SNTG1: variants seen among roughly 807,000 people sequenced by gnomAD.
SNTG1 encodes syntrophin gamma 1, also known as gamma-1-syntrophin.
SNTG1 carries 39 observed loss-of-function variants against 74.7 expected under a neutral mutation model. The observed-to-expected ratio is 0.52, with a 90% CI of 0.40 to 0.68. The LOEUF is 0.68. Among genes scored for constraint, SNTG1 ranks in the 30% least tolerant of loss-of-function variants. The pLI is 0.00. For synonymous variants in SNTG1, 254 were observed against 217.1 expected (o/e 1.17, Z -1.49); for missense variants, 685 against 609.5 (o/e 1.12, Z -1.30).
intron 11 of SNTG1, among the ~76,000 whole-genome samples, chr8:50,537,332 A>T (rs2094315187): frequency 6.6e-6 from 1 of 152,084 alleles, no homozygotes; most frequent in African/African-American, 2.4e-5. Context: ...GACATGGGAG[A>T]TCTGCCTGCC....
chr8:50,543,459 G>T (rs1563550398), intron 11 of SNTG1, among the ~76,000 whole-genome samples: 5 of 151,916 alleles, frequency 3.3e-5, no homozygotes, highest in Admixed American at 2.6e-4. Flanking sequence ...TGTTGTTGTT[G>T]TTGCTGTTGT....
At chr8:50,397,861 T>C (rs1435683667) in intron 3 of SNTG1, among the ~76,000 whole-genome samples, 1 of 152,242 alleles carries the variant, frequency 6.6e-6, no homozygotes, top group Non-Finnish European at 1.5e-5. Flanking sequence ...TGCACTTGTC[T>C]AATCTGTAAA....
chr8:50,758,283 T>C (rs2095586772), intron 18 of SNTG1, among the ~76,000 whole-genome samples: 1 of 151,944 alleles, frequency 6.6e-6, no homozygotes, highest in Admixed American at 6.6e-5. Flanking sequence ...AACTGTGATG[T>C]CTTTTTTCCG....
At chr8:50,678,272 A>G (rs2095317175) in intron 15 of SNTG1, among the ~76,000 whole-genome samples, 2 of 151,992 alleles carry the variant, frequency 1.3e-5, no homozygotes, top group African/African-American at 4.8e-5. Context: ...ACCTTTGCAT[A>G]TTTTAAATAA....
At chr8:50,028,039 A>G (rs748603632) in intron 1 of SNTG1, among the ~76,000 whole-genome samples, 5 of 152,142 alleles carry the variant, frequency 3.3e-5, no homozygotes, top group African/African-American at 1.2e-4. Flanking sequence ...TCTATGTCAC[A>G]TTACCACATG....
intron 8 of SNTG1, among the ~76,000 whole-genome samples, chr8:50,459,850 C>A (rs2093543786): frequency 6.6e-6 from 1 of 152,118 alleles, no homozygotes; most frequent in South Asian, 2.1e-4. Context: ...CGATTTTTTT[C>A]TTTTTTACTG....
chr8:50,678,741 T>C (rs2095319411), intron 15 of SNTG1, among the ~76,000 whole-genome samples: 1 of 152,172 alleles, frequency 6.6e-6, no homozygotes, highest in Admixed American at 6.6e-5. Flanking sequence ...AATTTACCTT[T>C]GGGATTATAT....
rs2095699833 is a variant in SNTG1 at position 50,794,408 on chromosome 8, T to G, written c.*1579T>G. ...GAAAAGAAAAAGTGAGGGTTTATAA[T>G]TGTCCCTGGGAAAATGTTAAACTGA... On this transcript the variant is annotated 3_prime_UTR_variant, in exon 19 of 19. Transcript: ENST00000642720. 6.6e-6 allele frequency: 1 copy of G among 152,000 alleles called. No individual in the cohort carries two copies. Among genetic ancestry groups the G allele is most frequent in the Non-Finnish European group, 1.5e-5 (1 of 67,942 alleles). The allele number at this position is 152,000 out of a possible 1,614,324, so 9.4% of individuals were successfully genotyped here. A position where few individuals can be genotyped will look rare whatever the true frequency, so the allele number is the denominator to read the frequency against.
At chr8:50,488,937 C>G (rs368986544) in intron 8 of SNTG1, among the ~76,000 whole-genome samples, 1 of 152,100 alleles carries the variant, frequency 6.6e-6, no homozygotes, top group African/African-American at 2.4e-5. Context: ...AGCCCCCCAC[C>G]CCACAACAGG....
intron 1 of SNTG1, among the ~76,000 whole-genome samples, chr8:50,072,694 T>C (rs1821476030): frequency 6.6e-6 from 1 of 152,154 alleles, no homozygotes; most frequent in South Asian, 2.1e-4. Flanking sequence ...AATCTGATCA[T>C]CTCTAAAACT....
chr8:50,056,121 T>C (rs1820003045), intron 1 of SNTG1, among the ~76,000 whole-genome samples: 1 of 152,138 alleles, frequency 6.6e-6, no homozygotes. Flanking sequence ...AGATAAAACA[T>C]GAATTTCTAT....
intron 18 of SNTG1, 145 bp from the exon 19 acceptor site, chr8:50,792,526 A>G: frequency 1.2e-6 from 1 of 848,474 alleles, no homozygotes; most frequent in Non-Finnish European, 1.8e-6. Flanking sequence ...TTGACCAAAA[A>G]TGTCTACATT....
chr8:50,785,904 A>G lies in SNTG1; in HGVS notation c.1396-6767A>G, dbSNP rs76280870. Among the ~76,000 whole-genome samples the G allele has an allele frequency of 3.8e-4, 58 of 152,144 alleles. No individual in the cohort carries two copies. The East Asian group carries it at 0.01, about 27-fold the overall frequency. On this transcript the variant is annotated intron_variant, in intron 18 of 18. Coordinates refer to ENST00000642720, the MANE Select transcript of SNTG1 (RefSeq NM_018967.5). ...AATACACCGTATTAATTGAATAAGG[A>G]CAAAAATACATAATCATTGTCATAG...
chr8:50,254,514 C>A (rs2086786682), intron 2 of SNTG1, among the ~76,000 whole-genome samples: 1 of 151,984 alleles, frequency 6.6e-6, no homozygotes, highest in South Asian at 2.1e-4. Context: ...TTCTTATGAA[C>A]TATGACAAGA....
intron 12 of SNTG1, among the ~76,000 whole-genome samples, chr8:50,576,151 T>A (rs1335551453): frequency 1.3e-5 from 2 of 152,196 alleles, no homozygotes; most frequent in African/African-American, 4.8e-5. Flanking sequence ...TTGGGTTAAT[T>A]TTTGAATATA....
chr8:50,254,040 A>G (rs1169052053), intron 2 of SNTG1, among the ~76,000 whole-genome samples: 1 of 152,180 alleles, frequency 6.6e-6, no homozygotes, highest in Non-Finnish European at 1.5e-5. Context: ...CAGAAACGAG[A>G]GGATTTTGAA....
At chr8:50,588,128 A>AG (rs1224620482) in intron 12 of SNTG1, among the ~76,000 whole-genome samples, 1 of 152,038 alleles carries the variant, frequency 6.6e-6, no homozygotes, top group Non-Finnish European at 1.5e-5. Flanking sequence ...TCAAAAAAAA[A>AG]AAAAATTGAA....
intron 2 of SNTG1, among the ~76,000 whole-genome samples, chr8:50,201,408 C>A (rs1414809462): frequency 6.6e-6 from 1 of 152,144 alleles, no homozygotes; most frequent in African/African-American, 2.4e-5. Flanking sequence ...ACAAAGTTTT[C>A]TGTATTATTA....
At chr8:50,446,842 T>C (rs994728687) in intron 5 of SNTG1, among the ~76,000 whole-genome samples, 12 of 152,194 alleles carry the variant, frequency 7.9e-5, no homozygotes, top group African/African-American at 2.9e-4. Context: ...GGGAGATGCA[T>C]TCCAAGACCC....
Sources: gnomAD v4.1 joint callset for allele counts (sites outside exome capture counted in the v4.1 genomes callset) on GRCh38, gnomAD v4.1.1 for gene constraint, MANE v1.5 for transcripts, NCBI Gene and HGNC (gene_info 2026-07-23, HGNC 2026-07-21) for gene names.